Variants in GRID1 observed in about 807,000 individuals in gnomAD.
The protein encoded by GRID1 is glutamate receptor ionotropic, delta-1.
Under a neutral mutation model 98.0 loss-of-function variants are expected in GRID1, and 28 were observed. The observed-to-expected ratio is 0.29, with a 90% CI of 0.21 to 0.39. The LOEUF is 0.39. GRID1 is among the 10% of genes least tolerant of loss of function. GRID1 has a pLI of 1.00. For synonymous variants in GRID1, 553 were observed against 538.5 expected (o/e 1.03, Z -0.37); for missense variants, 1,111 against 1,340.5 (o/e 0.83, Z 2.67).
chr10:86,097,932 C>CA (rs954185239), intron 4 of GRID1, among the ~76,000 whole-genome samples: 153 of 151,454 alleles, frequency 1.0e-3, no homozygotes, highest in African/African-American at 3.2e-3. Flanking sequence ...AAATGTGAAA[C>CA]AAAAAAAAAT....
At chr10:85,633,964 G>A (rs1843004182) in intron 13 of GRID1, among the ~76,000 whole-genome samples, 1 of 152,116 alleles carries the variant, frequency 6.6e-6, no homozygotes, top group South Asian at 2.1e-4. Flanking sequence ...CTGAGGTCAG[G>A]AGTTCAAGAT....
chr10:86,322,706 CG>C, intron 2 of GRID1, among the ~76,000 whole-genome samples: 1 of 150,932 alleles, frequency 6.6e-6, no homozygotes, highest in South Asian at 2.1e-4. Context: ...CCACCTTGCC[CG>C]GCCTTGAATT....
intron 2 of GRID1, among the ~76,000 whole-genome samples, chr10:86,323,415 T>C (rs1404861650): frequency 3.3e-5 from 5 of 152,244 alleles, no homozygotes; most frequent in Non-Finnish European, 7.3e-5. Context: ...CATGGATGCA[T>C]ACAAGTCAAT....
intron 8 of GRID1, among the ~76,000 whole-genome samples, chr10:85,781,461 C>G (rs1291599582): frequency 6.6e-6 from 1 of 152,180 alleles, no homozygotes; most frequent in Non-Finnish European, 1.5e-5. Flanking sequence ...AATGAATAAT[C>G]TACTTTTGTA....
chr10:85,889,567 CT>C (rs1286914478), intron 5 of GRID1, among the ~76,000 whole-genome samples: 3 of 152,140 alleles, frequency 2.0e-5, no homozygotes, highest in Non-Finnish European at 4.4e-5. Context: ...ACTACATTTT[CT>C]TTATCCATTC....
chr10:86,183,838 C>T (rs1342636949), intron 3 of GRID1, among the ~76,000 whole-genome samples: 1 of 152,164 alleles, frequency 6.6e-6, no homozygotes, highest in African/African-American at 2.4e-5. Context: ...TTTAAGAAAC[C>T]GCCAAACAGT....
At chr10:85,805,244 A>T (rs1842613144) in intron 8 of GRID1, among the ~76,000 whole-genome samples, 1 of 151,768 alleles carries the variant, frequency 6.6e-6, no homozygotes, top group Admixed American at 6.6e-5. Flanking sequence ...GAAATTTAAA[A>T]CAACTTTTGA....
intron 12 of GRID1, among the ~76,000 whole-genome samples, chr10:85,656,217 T>A (rs1419201558): frequency 6.6e-6 from 1 of 152,192 alleles, no homozygotes; most frequent in Non-Finnish European, 1.5e-5. Context: ...CTCCAACCAG[T>A]AGCATTTGAC....
chr10:85,660,995 A>G (rs1840959527), intron 12 of GRID1, among the ~76,000 whole-genome samples: 1 of 152,174 alleles, frequency 6.6e-6, no homozygotes, highest in Admixed American at 6.5e-5. Context: ...ACTAAGCATA[A>G]TGCCAGTCTG....
intron 12 of GRID1, among the ~76,000 whole-genome samples, chr10:85,710,163 C>T (rs1841566677): frequency 6.6e-6 from 1 of 151,882 alleles, no homozygotes; most frequent in Non-Finnish European, 1.5e-5. Flanking sequence ...CCCCAAATAG[C>T]CAAAACGTCT....
Position 85,602,321 on chromosome 10 carries a change from TC to T in GRID1, c.2981del (p.Gly994GlufsTer36). 1 of 1,554,058 alleles carries T rather than the reference TC, an allele frequency of 6.4e-7. No individual in the cohort carries two copies. Among genetic ancestry groups the T allele is most frequent in the Non-Finnish European group, 8.7e-7 (1 of 1,149,018 alleles). On this transcript the variant is annotated frameshift_variant, in exon 16 of 16. Coordinates refer to ENST00000327946, the MANE Select transcript of GRID1 (RefSeq NM_017551.3). LOFTEE classifies it high-confidence loss of function. ...PIPMSFQPVP[G>X]GVLPEALDTS... Reference sequence around the variant, plus strand: ...TGTCCAGAGCCTCTGGAAGGACGCCTCCAGGCACGGGCTGGAAGGACATGGG... The same window carrying T: ...TGTCCAGAGCCTCTGGAAGGACGCCTCAGGCACGGGCTGGAAGGACATGGG...
chr10:85,967,644 C>G (rs187254410), intron 4 of GRID1, among the ~76,000 whole-genome samples: 1 of 152,214 alleles, frequency 6.6e-6, no homozygotes, highest in East Asian at 1.9e-4. Context: ...AATAAAGAGA[C>G]AGAAATTATA....
rs377114307 is a variant in GRID1 at position 86,333,376 on chromosome 10, T to A, written c.235+30565A>T. On this transcript the variant is annotated intron_variant, in intron 2 of 15. Transcript: ENST00000327946. ...AATTTCCCATTTATTCCATGAACTA[T>A]AAATATTTGTTTCCATATCTATACT... 3.9e-5 allele frequency among the ~76,000 whole-genome samples: 6 copies of A among 152,394 alleles called. No homozygotes were observed. In the East Asian group the frequency reaches 7.7e-4, roughly 20 times the overall value.
intron 8 of GRID1, among the ~76,000 whole-genome samples, chr10:85,819,993 G>A (rs1024359846): frequency 9.6e-6 from 1 of 104,646 alleles, no homozygotes; most frequent in Non-Finnish European, 1.8e-5. Context: ...AAGGAAGGAA[G>A]GAAGGAAGGA....
intron 5 of GRID1, among the ~76,000 whole-genome samples, chr10:85,875,106 G>C (rs1460229626): frequency 6.6e-6 from 1 of 151,938 alleles, no homozygotes; most frequent in African/African-American, 2.4e-5. Context: ...TCTTGAACTC[G>C]ACCTCAGGTG....
intron 2 of GRID1, among the ~76,000 whole-genome samples, chr10:86,211,769 A>C (rs1188660085): frequency 6.6e-6 from 1 of 152,080 alleles, no homozygotes. Context: ...ACAGCCAGAG[A>C]GCAAACAGCA....
intron 4 of GRID1, among the ~76,000 whole-genome samples, chr10:86,083,453 G>T (rs144082075): frequency 1.3e-5 from 2 of 152,204 alleles, no homozygotes; most frequent in African/African-American, 4.8e-5. Context: ...GGTCTCAACC[G>T]CAGCCAGTGA....
intron 4 of GRID1, among the ~76,000 whole-genome samples, chr10:86,042,452 T>C (rs1005774855): frequency 1.3e-5 from 2 of 152,098 alleles, no homozygotes; most frequent in Non-Finnish European, 2.9e-5. Context: ...CCAGGAGAGA[T>C]AAAGCCCTAC....
intron 5 of GRID1, among the ~76,000 whole-genome samples, chr10:85,881,890 C>A (rs1339914330): frequency 2.6e-5 from 4 of 152,020 alleles, no homozygotes; most frequent in Non-Finnish European, 2.9e-5. Flanking sequence ...CAAAGGGCTA[C>A]TATCCAGAAT....
Sources: allele counts gnomAD v4.1 joint callset (sites outside exome capture counted in the v4.1 genomes callset), GRCh38; gene constraint gnomAD v4.1.1; transcripts MANE v1.5; gene names NCBI Gene and HGNC (gene_info 2026-07-23, HGNC 2026-07-21).